The following ATP10D variants were observed in gnomAD, a reference collection of about 807,000 sequenced individuals.
ATP10D encodes the protein phospholipid-transporting ATPase VD.
ATP10D carries 89 observed loss-of-function variants against 144.8 expected under a neutral mutation model. The ratio of observed to expected loss-of-function variants is 0.61; its 90% CI spans 0.52 to 0.73. The LOEUF is 0.73. Ranked by LOEUF, ATP10D falls within the 30% of genes least tolerant of loss-of-function variation. ATP10D has a pLI of 0.00. For synonymous variants in ATP10D, 571 were observed against 615.1 expected, an observed-to-expected ratio of 0.93 and a Z score of 1.06; for missense variants, 1,603 against 1,714.8, an observed-to-expected ratio of 0.93 and a Z score of 1.15.
chr4:47,500,028 G>A (rs1329113501), intron 1 of ATP10D, among the ~76,000 whole-genome samples: 1 of 152,182 alleles, frequency 6.6e-6, no homozygotes, highest in Non-Finnish European at 1.5e-5. Context: ...CACATTTAGA[G>A]GCAGTGTGTA....
intron 8 of ATP10D, 25 bp downstream of exon 8, chr4:47,536,589 A>G (rs779964439): frequency 1.2e-6 from 2 of 1,609,436 alleles, no homozygotes; most frequent in Non-Finnish European, 1.7e-6. Context: ...AGCTTATGGT[A>G]GAATTTTAAC....
At chr4:47,496,437 G>A (rs1022937181) in intron 1 of ATP10D, among the ~76,000 whole-genome samples, 7 of 151,900 alleles carry the variant, frequency 4.6e-5, no homozygotes, top group African/African-American at 2.4e-5. Flanking sequence ...GATTACAGGC[G>A]TGAGCCACCG....
chr4:47,497,039 C>A (rs1469407121), intron 1 of ATP10D, among the ~76,000 whole-genome samples: 2 of 152,072 alleles, frequency 1.3e-5, no homozygotes, highest in Admixed American at 1.3e-4. Context: ...ACGGGTTTCA[C>A]CACATTGGCC....
intron 4 of ATP10D, among the ~76,000 whole-genome samples, chr4:47,523,598 C>A (rs756108165): frequency 6.6e-6 from 1 of 152,228 alleles, no homozygotes; most frequent in South Asian, 2.1e-4. Flanking sequence ...AGCTTTTAGA[C>A]GCTTCTCAGT....
chr4:47,497,915 T>C (rs1283630068), intron 1 of ATP10D, among the ~76,000 whole-genome samples: 1 of 152,244 alleles, frequency 6.6e-6, no homozygotes, highest in African/African-American at 2.4e-5. Flanking sequence ...TTGTTTAAGC[T>C]GTTAAGCATC....
At chr4:47,553,178 A>G (rs1190773576) in intron 10 of ATP10D, among the ~76,000 whole-genome samples, 2 of 152,124 alleles carry the variant, frequency 1.3e-5, no homozygotes, top group South Asian at 2.1e-4. Flanking sequence ...ACTTTCTTCT[A>G]TTGACTTTGG....
intron 11 of ATP10D, among the ~76,000 whole-genome samples, chr4:47,556,541 T>C (rs1456879064): frequency 6.6e-6 from 1 of 152,210 alleles, no homozygotes; most frequent in Non-Finnish European, 1.5e-5. Context: ...AGAAAATCTC[T>C]GAAGCATATA....
rs2109488885 is a variant in ATP10D, at chr4:47,593,109, T to TTTA, written c.*1729_*1730insTAT. The TTTA allele has an allele frequency of 6.6e-6, 1 of 152,218 alleles. No homozygotes were observed. Among genetic ancestry groups the TTTA allele is most frequent in the South Asian group, 2.1e-4 (1 of 4,824 alleles). 9.4% of individuals were successfully genotyped at this position (152,218 alleles called of 1,614,324 possible). On this transcript the variant is annotated 3_prime_UTR_variant, in exon 23 of 23. Transcript: ENST00000273859. ...AACAATAATTTAGAGATATGTTCAC[T>TTTA]TGTAAATAAAAAGGTTAGAATCTAA...
At chr4:47,564,963 GTTTA>G (rs1046279903) in intron 15 of ATP10D, among the ~76,000 whole-genome samples, 35 of 151,874 alleles carry the variant, frequency 2.3e-4, no homozygotes, top group Middle Eastern at 3.4e-3. Context: ...GTTTTCGTTT[GTTTA>G]TTTGTTTGTT....
In ATP10D at chr4:47,557,961, A is replaced by G. The variant is rs1719074344; in HGVS notation, c.2122A>G (p.Lys708Glu). 1 of 1,614,192 alleles carries G rather than the reference A, an allele frequency of 6.2e-7. No individual in the cohort carries two copies. Residue 708 changes from lysine to glutamate, a missense_variant, in exon 12 of 23, where the codon AAG becomes GAG. Lys to Glu is a moderately conservative substitution (Grantham distance 56, BLOSUM62 1). Coordinates refer to ENST00000273859, the MANE Select transcript of ATP10D (RefSeq NM_020453.4). ...CGGTGATGCAGGCCTCCTGAATGGC[A>G]AGGCAGAGTCCCTCCCTGGACAGCC... ...QHGDAGLLNG[K>E]AESLPGQPLA...
intron 1 of ATP10D, among the ~76,000 whole-genome samples, chr4:47,491,629 A>G (rs1715085942): frequency 6.6e-6 from 1 of 152,156 alleles, no homozygotes; most frequent in African/African-American, 2.4e-5. Context: ...ATTTTCATTT[A>G]ATTTCGCATC....
intron 19 of ATP10D, among the ~76,000 whole-genome samples, chr4:47,577,897 G>T (rs1424818802): frequency 1.3e-5 from 2 of 152,214 alleles, no homozygotes; most frequent in African/African-American, 4.8e-5. Context: ...AGAGAAGTTT[G>T]TCCCACGCCC....
chr4:47,580,351 GA>G, intron 19 of ATP10D, 46 bp from the exon 20 acceptor site: 1 of 1,425,176 alleles, frequency 7.0e-7, no homozygotes, highest in Non-Finnish European at 9.9e-7. Flanking sequence ...TCTTTTCTTG[GA>G]CCCTTGTTAA....
chr4:47,588,847 C>T (rs964266804), intron 22 of ATP10D, among the ~76,000 whole-genome samples: 2 of 152,090 alleles, frequency 1.3e-5, no homozygotes, highest in East Asian at 1.9e-4. Flanking sequence ...AAATTCTGGG[C>T]CTTTAACAGT....
intron 9 of ATP10D, among the ~76,000 whole-genome samples, chr4:47,541,875 A>G (rs1293202507): frequency 6.6e-6 from 1 of 152,144 alleles, no homozygotes; most frequent in Admixed American, 6.5e-5. Context: ...TTTGGTACCT[A>G]TCTCAATATC....
Position 47,535,528 on chromosome 4 carries a change from C to G in ATP10D, c.796C>G (p.Arg266Gly). 6.2e-7 allele frequency: 1 copy of G among 1,611,780 alleles called. No individual in the cohort carries two copies. Among genetic ancestry groups the G allele is most frequent in the Non-Finnish European group, 8.5e-7 (1 of 1,179,008 alleles). ...TTATAGAGAACATTCCAACAAAGAA[C>G]GCGTGGGTCTCAGTAAAGAAAATTT... Reference protein sequence around the residue: ...RGFLEHSNKERVGLSKENLLL... With the variant: ...RGFLEHSNKEGVGLSKENLLL... The change falls in exon 6 of 23, where the codon CGC becomes GGC. Residue 266 changes from arginine (R) to glycine (G), a missense_variant. Arg to Gly is a moderately radical substitution (Grantham distance 125). Transcript: ENST00000273859.
At position 47,523,192 on chromosome 4, in the gene ATP10D, G is replaced by A. The variant is rs1346788927; in HGVS notation, c.666G>A (p.Gln222=). 1 of 1,613,870 alleles carries A rather than the reference G, an allele frequency of 6.2e-7. No homozygotes were observed. Among genetic ancestry groups the A allele is most frequent in the African/African-American group, 1.3e-5 (1 of 74,894 alleles). The stretch of plus-strand genomic sequence containing the variant: ...GAGAGAGCAATTTAAAACAGAGGCA[G>A]GTGGTTCGGGGATATGCAGAACAGG... ...LDGESNLKQR[Q]VVRGYAEQDS... The change falls in exon 4 of 23, where the codon CAG becomes CAA. Residue 222 remains glutamine (Q), a synonymous_variant. Transcript: ENST00000273859.
Position 47,580,310 on chromosome 4 carries a change from G to T in ATP10D, c.3568-88G>T, listed in dbSNP as rs767756705. ...TGAAGAAATGGAGCTTTCTCTCAGA[G>T]AAACAAATGTAAGTACTGGCTTGTG... On this transcript the variant is annotated intron_variant, in intron 19 of 22. Transcript: ENST00000273859. The T allele has an allele frequency of 5.0e-4, 536 of 1,071,440 alleles. 1 individual carries two copies. The highest frequency in any genetic ancestry group is 6.6e-4 in the Non-Finnish European group (460 of 699,276). 66.4% of individuals were successfully genotyped at this position (1,071,440 alleles called of 1,614,324 possible).
intron 3 of ATP10D, among the ~76,000 whole-genome samples, chr4:47,516,919 T>C (rs1204901950): frequency 3.3e-5 from 5 of 152,182 alleles, no homozygotes; most frequent in Admixed American, 6.5e-5. Context: ...TGAATGCTTA[T>C]TATATACCAG....
Sources: gnomAD v4.1 joint callset for allele counts (sites outside exome capture counted in the v4.1 genomes callset) on GRCh38, gnomAD v4.1.1 for gene constraint, MANE v1.5 for transcripts, NCBI Gene and HGNC (gene_info 2026-07-23, HGNC 2026-07-21) for gene names.